The following CABCOCO1 variants were observed in gnomAD, a reference collection of about 807,000 sequenced individuals.
The protein encoded by CABCOCO1 is ciliary associated calcium binding coiled-coil 1.
CABCOCO1 carries 28 observed loss-of-function variants against 35.7 expected under a neutral mutation model. The observed-to-expected ratio is 0.78, with a 90% confidence interval of 0.58 to 1.07. The LOEUF (loss-of-function observed/expected upper bound fraction) is 1.07. CABCOCO1 is among the 50% of genes least tolerant of loss of function. The pLI is 0.00. For synonymous variants in CABCOCO1, 95 were observed against 100.1 expected (o/e 0.95, Z 0.30); for missense variants, 326 against 309.2 (o/e 1.05, Z -0.41).
intron 5 of CABCOCO1, among the ~76,000 whole-genome samples, chr10:61,738,503 AT>A (rs963205086): frequency 8.5e-5 from 13 of 152,222 alleles, no homozygotes; most frequent in Admixed American, 5.9e-4. Context: ...AAACAAATAT[AT>A]TTTTGCTAGT....
chr10:61,691,926 C>T (rs937582876), intron 5 of CABCOCO1, among the ~76,000 whole-genome samples: 1 of 152,104 alleles, frequency 6.6e-6, no homozygotes, highest in Non-Finnish European at 1.5e-5. Context: ...CAAGTCTTTG[C>T]TATTGTGAAT....
intron 5 of CABCOCO1, among the ~76,000 whole-genome samples, chr10:61,734,996 C>T (rs370379378): frequency 6.6e-6 from 1 of 152,080 alleles, no homozygotes; most frequent in African/African-American, 2.4e-5. Flanking sequence ...TAGTACTGCG[C>T]ATTCTTGTTG....
intron 5 of CABCOCO1, chr10:61,701,736 AC>A (rs1840463996): frequency 5.1e-6 from 5 of 985,294 alleles, no homozygotes; most frequent in Non-Finnish European, 6.0e-6. Context: ...AGGTTCAGCA[AC>A]CCACATTTGA....
At chr10:61,679,046 TAAG>T (rs1433979498) in intron 2 of CABCOCO1, among the ~76,000 whole-genome samples, 1 of 152,158 alleles carries the variant, frequency 6.6e-6, no homozygotes, top group Non-Finnish European at 1.5e-5. Flanking sequence ...TTAAGAATAA[TAAG>T]GACTTCCATT....
intron 1 of CABCOCO1, among the ~76,000 whole-genome samples, chr10:61,671,534 GTAT>G (rs1286026542): frequency 2.0e-5 from 3 of 152,088 alleles, no homozygotes; most frequent in African/African-American, 7.2e-5. Flanking sequence ...GGTGGCATAT[GTAT>G]TATTAGTATC....
intron 5 of CABCOCO1, among the ~76,000 whole-genome samples, chr10:61,695,235 G>C (rs928666871): frequency 1.3e-5 from 2 of 151,432 alleles, no homozygotes; most frequent in Non-Finnish European, 2.9e-5. Flanking sequence ...AAACCAAATG[G>C]ATGTGTTTAA....
intron 1 of CABCOCO1, among the ~76,000 whole-genome samples, chr10:61,665,686 G>A (rs1049605860): frequency 6.6e-6 from 1 of 151,862 alleles, no homozygotes; most frequent in Non-Finnish European, 1.5e-5. Context: ...AGGAGATCGA[G>A]ACCATCCTGG....
chr10:61,758,530 A>G (rs966750259), intron 5 of CABCOCO1, among the ~76,000 whole-genome samples: 2 of 152,132 alleles, frequency 1.3e-5, no homozygotes, highest in Admixed American at 1.3e-4. Flanking sequence ...TAGTTGACTT[A>G]AGATAAACAA....
At chr10:61,703,456 A>T (rs1238312083) in intron 5 of CABCOCO1, among the ~76,000 whole-genome samples, 1 of 147,538 alleles carries the variant, frequency 6.8e-6, no homozygotes, top group Non-Finnish European at 1.5e-5. Context: ...TCATTTAAAG[A>T]GCGGAAATCT....
intron 7 of CABCOCO1, among the ~76,000 whole-genome samples, 186 bp from the exon 8 acceptor site, chr10:61,765,753 T>C (rs1842095867): frequency 6.6e-6 from 1 of 152,246 alleles, no homozygotes; most frequent in African/African-American, 2.4e-5. Flanking sequence ...ATTGGAAATG[T>C]GCAGAGAAAT....
chr10:61,707,595 GGC>G (rs1840624591), intron 5 of CABCOCO1, among the ~76,000 whole-genome samples: 1 of 152,120 alleles, frequency 6.6e-6, no homozygotes, highest in African/African-American at 2.4e-5. Context: ...TCTAATCAGA[GGC>G]GTGAGATGCT....
chr10:61,753,046 A>G (rs892993947), intron 5 of CABCOCO1, among the ~76,000 whole-genome samples: 1 of 152,152 alleles, frequency 6.6e-6, no homozygotes, highest in East Asian at 1.9e-4. Context: ...TCTAACCATT[A>G]TAATTTATTA....
chr10:61,738,744 T>G (rs1028071973), intron 5 of CABCOCO1, among the ~76,000 whole-genome samples: 7 of 152,232 alleles, frequency 4.6e-5, no homozygotes, highest in African/African-American at 1.7e-4. Context: ...TTGCAAATTA[T>G]GCACAGTAAA....
Position 61,681,198 on chromosome 10 carries a change from A to C in CABCOCO1, c.220A>C (p.Ile74Leu). Residue 74 changes from isoleucine (I) to leucine (L), a missense_variant, in exon 3 of 8, where the codon ATT becomes CTT. Physicochemically the swap from Ile to Leu is conservative, Grantham distance 5 (BLOSUM62 2). Coordinates refer to ENST00000648843, the MANE Select transcript of CABCOCO1 (RefSeq NM_001366906.2). Reference sequence around the variant, plus strand: ...CCTTGAAACTTGTTTAAAGGATGCCATTCTACTAGATTATTATGTATCTGG... The same window carrying C: ...CCTTGAAACTTGTTTAAAGGATGCCCTTCTACTAGATTATTATGTATCTGG... ...KNLETCLKDA[I>L]LLDYYVSGFL... 2.0e-6 allele frequency: 3 copies of C among 1,523,204 alleles called. No homozygotes were observed. In the South Asian group the frequency reaches 3.7e-5, roughly 19 times the overall value. 94.4% of individuals were successfully genotyped at this position (1,523,204 alleles called of 1,614,324 possible).
chr10:61,680,381 A>G (rs1839679308), intron 2 of CABCOCO1, among the ~76,000 whole-genome samples: 1 of 123,336 alleles, frequency 8.1e-6, no homozygotes, highest in African/African-American at 3.7e-5. Context: ...TACATATAAC[A>G]TATAATATAT....
chr10:61,695,991 A>C (rs1416255749), intron 5 of CABCOCO1, among the ~76,000 whole-genome samples: 1 of 152,116 alleles, frequency 6.6e-6, no homozygotes, highest in African/African-American at 2.4e-5. Flanking sequence ...GAGAAATAGA[A>C]AGGAATGAAG....
intron 2 of CABCOCO1, among the ~76,000 whole-genome samples, chr10:61,674,152 C>T (rs1839440403): frequency 6.6e-6 from 1 of 152,108 alleles, no homozygotes; most frequent in Non-Finnish European, 1.5e-5. Context: ...ATTATTTCTT[C>T]CCACGTTGTA....
intron 5 of CABCOCO1, among the ~76,000 whole-genome samples, chr10:61,753,022 T>C (rs1462054262): frequency 6.6e-6 from 1 of 152,208 alleles, no homozygotes; most frequent in Non-Finnish European, 1.5e-5. Flanking sequence ...TCTTCCATTG[T>C]AGTTTCTTTC....
chr10:61,666,469 T>C (rs1839175871), intron 1 of CABCOCO1, among the ~76,000 whole-genome samples: 1 of 152,192 alleles, frequency 6.6e-6, no homozygotes, highest in South Asian at 2.1e-4. Context: ...GCTGTATTTA[T>C]CAGACACTTA....
Sources: gnomAD v4.1 joint callset for allele counts (sites outside exome capture counted in the v4.1 genomes callset) on GRCh38, gnomAD v4.1.1 for gene constraint, MANE v1.5 for transcripts, NCBI Gene and HGNC (gene_info 2026-07-23, HGNC 2026-07-21) for gene names.